The following ZBTB7C variants were observed in gnomAD, a reference collection of about 807,000 sequenced individuals.
ZBTB7C encodes the protein zinc finger and BTB domain containing 7C.
In ZBTB7C, 8 loss-of-function variants were observed where a neutral mutation model predicts 25.7. That is an observed-to-expected ratio of 0.31 (90% CI 0.18 to 0.56). The LOEUF (loss-of-function observed/expected upper bound fraction) is 0.56, where lower values mean the gene tolerates loss of function less well. Among genes scored for constraint, ZBTB7C ranks in the 20% least tolerant of loss-of-function variants. The pLI, the probability that ZBTB7C is intolerant of heterozygous loss-of-function variation, is 0.91. For synonymous variants in ZBTB7C, 394 were observed against 369.0 expected (o/e 1.07, Z -0.78); for missense variants, 824 against 855.2 (o/e 0.96, Z 0.46).
chr18:48,234,717 T>C (rs1475324485), intron 2 of ZBTB7C, among the ~76,000 whole-genome samples: 1 of 152,246 alleles, frequency 6.6e-6, no homozygotes, highest in Non-Finnish European at 1.5e-5. Context: ...AACATCTTCA[T>C]TGCCTTTTTC....
At chr18:48,227,153 C>T (rs546592105) in intron 2 of ZBTB7C, among the ~76,000 whole-genome samples, 1 of 152,298 alleles carries the variant, frequency 6.6e-6, no homozygotes, top group African/African-American at 2.4e-5. Context: ...GCCAGCCATG[C>T]CTGAAAAGGC....
chr18:48,260,567 C>G (rs2044143415), intron 2 of ZBTB7C, among the ~76,000 whole-genome samples: 1 of 152,162 alleles, frequency 6.6e-6, no homozygotes, highest in Non-Finnish European at 1.5e-5. Context: ...CTGTGATCAG[C>G]CTGGGTAACC....
intron 2 of ZBTB7C, among the ~76,000 whole-genome samples, chr18:48,333,926 C>T (rs1275028713): frequency 6.6e-6 from 1 of 152,212 alleles, no homozygotes; most frequent in Non-Finnish European, 1.5e-5. Flanking sequence ...GCAGACTTTG[C>T]CCTGATTCCA....
intron 3 of ZBTB7C, among the ~76,000 whole-genome samples, chr18:48,167,599 C>T (rs4939749): frequency 0.52 from 47,354 of 91,788 alleles, 8,465 homozygotes; most frequent in African/African-American, 0.61. Context: ...TGTGTGTGTG[C>T]GCGCGTGCAC....
intron 3 of ZBTB7C, among the ~76,000 whole-genome samples, chr18:48,133,724 G>T (rs916427894): frequency 6.6e-6 from 1 of 152,106 alleles, no homozygotes; most frequent in Admixed American, 6.6e-5. Context: ...GAAGCAGGAG[G>T]CTTTAGAAAG....
chr18:48,382,976 A>C (rs2047666240), intron 1 of ZBTB7C, among the ~76,000 whole-genome samples: 1 of 152,312 alleles, frequency 6.6e-6, no homozygotes, highest in South Asian at 2.1e-4. Context: ...GAGTAACAGG[A>C]ACTCAAATTT....
At chr18:48,278,071 A>T (rs2044719945) in intron 2 of ZBTB7C, among the ~76,000 whole-genome samples, 2 of 152,152 alleles carry the variant, frequency 1.3e-5, no homozygotes, top group African/African-American at 4.8e-5. Flanking sequence ...AAGGTGGGTT[A>T]TGTTTCCCTC....
intron 2 of ZBTB7C, among the ~76,000 whole-genome samples, chr18:48,242,257 T>C (rs2043550240): frequency 1.3e-5 from 2 of 152,192 alleles, no homozygotes; most frequent in African/African-American, 4.8e-5. Context: ...AGCTGAATTA[T>C]CTCAGACATT....
chr18:48,409,055 G>T (rs2048347880), intron 1 of ZBTB7C, among the ~76,000 whole-genome samples, 171 bp downstream of exon 1: 2 of 151,174 alleles, frequency 1.3e-5, no homozygotes, highest in Admixed American at 1.3e-4. Flanking sequence ...CCCAAGGCGC[G>T]CGGACCGCCG....
intron 3 of ZBTB7C, among the ~76,000 whole-genome samples, chr18:48,098,667 C>T (rs2038725381): frequency 6.6e-6 from 1 of 152,196 alleles, no homozygotes; most frequent in Non-Finnish European, 1.5e-5. Context: ...TATCTGGTTC[C>T]TGGGATGAAG....
intron 1 of ZBTB7C, among the ~76,000 whole-genome samples, chr18:48,362,773 C>T (rs1276400001): frequency 1.3e-5 from 2 of 152,124 alleles, no homozygotes; most frequent in Non-Finnish European, 2.9e-5. Context: ...CCTTTTGGCT[C>T]GAAGAAGGTA....
chr18:48,253,041 G>C (rs2043914430), intron 2 of ZBTB7C, among the ~76,000 whole-genome samples: 2 of 152,064 alleles, frequency 1.3e-5, no homozygotes, highest in South Asian at 4.2e-4. Context: ...AGAGAGGAGG[G>C]GAAAGAGATG....
chr18:48,295,979 C>T (rs2045376542), intron 2 of ZBTB7C, among the ~76,000 whole-genome samples: 1 of 152,180 alleles, frequency 6.6e-6, no homozygotes, highest in Admixed American at 6.5e-5. Flanking sequence ...ATCCCGGGCT[C>T]GGTCATCTCC....
chr18:48,217,408 T>G (rs534005040), intron 2 of ZBTB7C, among the ~76,000 whole-genome samples: 1 of 152,160 alleles, frequency 6.6e-6, no homozygotes, highest in East Asian at 1.9e-4. Context: ...AGGCCTCTCC[T>G]GCAGCGTAAG....
chr18:48,054,994 T>G (rs2036854889), intron 3 of ZBTB7C, among the ~76,000 whole-genome samples: 1 of 152,194 alleles, frequency 6.6e-6, no homozygotes, highest in African/African-American at 2.4e-5. Context: ...TATGCTTGAC[T>G]GGGCTTCATG....
At chr18:48,186,308 C>T (rs1309428907) in intron 2 of ZBTB7C, among the ~76,000 whole-genome samples, 1 of 152,244 alleles carries the variant, frequency 6.6e-6, no homozygotes, top group Non-Finnish European at 1.5e-5. Context: ...GGAGTGAGGC[C>T]TCCACTTCTG....
At chr18:48,239,298 A>T (rs1053241296) in intron 2 of ZBTB7C, among the ~76,000 whole-genome samples, 4 of 152,166 alleles carry the variant, frequency 2.6e-5, no homozygotes, top group Non-Finnish European at 5.9e-5. Flanking sequence ...CCATCACCTA[A>T]GAAACCCGAA....
intron 2 of ZBTB7C, among the ~76,000 whole-genome samples, chr18:48,335,168 C>T (rs766860754): frequency 6.6e-6 from 1 of 152,220 alleles, no homozygotes; most frequent in Non-Finnish European, 1.5e-5. Context: ...GCCCGGTTCT[C>T]ATGCAAAGGG....
chr18:48,100,775 G>T (rs1411800367), intron 3 of ZBTB7C, among the ~76,000 whole-genome samples: 1 of 152,188 alleles, frequency 6.6e-6, no homozygotes, highest in Admixed American at 6.5e-5. Context: ...CCTGGGGAAT[G>T]GGGGAGGGGG....
Sources: allele counts gnomAD v4.1 joint callset (sites outside exome capture counted in the v4.1 genomes callset), GRCh38; gene constraint gnomAD v4.1.1; transcripts MANE v1.5; gene names NCBI Gene and HGNC (gene_info 2026-07-23, HGNC 2026-07-21).